The following ZNF600 variants were observed in gnomAD, a reference collection of about 807,000 sequenced individuals.
ZNF600 encodes the protein zinc finger protein KR-ZNF1.
ZNF600 carries 4 observed loss-of-function variants against 7.3 expected under a neutral mutation model. The ratio of observed to expected loss-of-function variants is 0.55; its 90% CI spans 0.27 to 1.25. The LOEUF is 1.25. ZNF600 is among the 50% of genes most tolerant of loss of function. The probability of loss-of-function intolerance (pLI) is 0.12; values close to 1 mark genes in which losing one functional copy is unlikely to be tolerated. For missense variants in ZNF600, 911 were observed against 922.1 expected, an observed-to-expected ratio of 0.99 and a Z score of 0.16; for synonymous variants, 290 against 308.9, an observed-to-expected ratio of 0.94 and a Z score of 0.64.
chr19:52,812,499 G>C, the ZNF600 span, among the ~76,000 whole-genome samples: 5 of 123,150 alleles, frequency 4.1e-5, no homozygotes, highest in African/African-American at 7.1e-5. Flanking sequence ...CATGTGCTGT[G>C]TCCACTCAGG....
chr19:52,772,420 T>C (rs4802994), intron 3 of ZNF600, among the ~76,000 whole-genome samples: 55,614 of 151,950 alleles, frequency 0.37, 13,003 homozygotes, highest in Non-Finnish European at 0.53. Flanking sequence ...CTGGCCAACA[T>C]GGTGAAACCC....
the ZNF600 span, among the ~76,000 whole-genome samples, chr19:52,816,899 CCT>C: frequency 6.9e-6 from 1 of 145,730 alleles, no homozygotes; most frequent in African/African-American, 2.6e-5. Context: ...ACAGCTTTAT[CCT>C]CTTAGATAAA....
the ZNF600 span, among the ~76,000 whole-genome samples, chr19:52,820,379 A>G: frequency 7.9e-6 from 1 of 127,100 alleles, no homozygotes; most frequent in South Asian, 2.8e-4. Context: ...GGCCTCCCAA[A>G]GTGCTGGGAT....
At chr19:52,820,449 A>G in the ZNF600 span, among the ~76,000 whole-genome samples, 11 of 151,282 alleles carry the variant, frequency 7.3e-5, no homozygotes, top group African/African-American at 1.7e-4. Context: ...CTTCTCCCCA[A>G]TCTTTAGATC....
chr19:52,777,851 G>T (rs886833612), intron 2 of ZNF600, among the ~76,000 whole-genome samples: 1 of 152,048 alleles, frequency 6.6e-6, no homozygotes, highest in Non-Finnish European at 1.5e-5. Flanking sequence ...TAAATAGATA[G>T]AGAGATACAT....
chr19:52,781,914 A>T (rs1184039474), intron 1 of ZNF600, among the ~76,000 whole-genome samples: 2 of 152,158 alleles, frequency 1.3e-5, no homozygotes, highest in Non-Finnish European at 2.9e-5. Flanking sequence ...TACACAAATT[A>T]GCCAGGCGTA....
At chr19:52,822,995 G>A in the ZNF600 span, among the ~76,000 whole-genome samples, 2 of 152,266 alleles carry the variant, frequency 1.3e-5, no homozygotes, top group South Asian at 2.1e-4. Context: ...GGGAAAGACA[G>A]AGAAGCTTTA....
At chr19:52,798,893 G>A in the ZNF600 span, 1 of 1,425,726 alleles carries the variant, frequency 7.0e-7, no homozygotes, top group Non-Finnish European at 9.5e-7. Flanking sequence ...GTGAATAAGT[G>A]GTGACTGCCC....
At chr19:52,817,941 C>A in the ZNF600 span, 1 of 1,610,816 alleles carries the variant, frequency 6.2e-7, no homozygotes, top group Non-Finnish European at 8.5e-7. Context: ...AATACCATCT[C>A]ACCTGAGGAA....
intron 2 of ZNF600, among the ~76,000 whole-genome samples, chr19:52,777,775 G>C (rs2062688046): frequency 6.6e-6 from 1 of 152,054 alleles, no homozygotes; most frequent in South Asian, 2.1e-4. Context: ...GTTGCAGTGA[G>C]CCGAGATCAT....
At chr19:52,793,767 CACACA>C in the ZNF600 span, among the ~76,000 whole-genome samples, 53 of 1,966 alleles carry the variant, frequency 0.027, no homozygotes, top group African/African-American at 0.047. Context: ...AACTCTGCCA[CACACA>C]CACACACACA....
intron 2 of ZNF600, among the ~76,000 whole-genome samples, chr19:52,776,970 G>A (rs377066033): frequency 1.3e-5 from 2 of 151,974 alleles, no homozygotes; most frequent in African/African-American, 4.8e-5. Flanking sequence ...CTCCTGCCTG[G>A]ACAACAGAGA....
intron 1 of ZNF600, among the ~76,000 whole-genome samples, chr19:52,779,549 C>G (rs775075915): frequency 6.6e-6 from 1 of 152,142 alleles, no homozygotes; most frequent in Non-Finnish European, 1.5e-5. Flanking sequence ...TCACACAGAA[C>G]AGGCAACGTG....
the ZNF600 span, among the ~76,000 whole-genome samples, chr19:52,829,594 G>A: frequency 3.3e-5 from 5 of 151,662 alleles, no homozygotes; most frequent in African/African-American, 7.3e-5. Flanking sequence ...GGCTGGTCTC[G>A]AACTCCTGAC....
chr19:52,776,603 G>C (rs2062677499), intron 2 of ZNF600, among the ~76,000 whole-genome samples: 1 of 151,934 alleles, frequency 6.6e-6, no homozygotes, highest in African/African-American at 2.4e-5. Flanking sequence ...GCAGAGACAG[G>C]GTTTCACCAT....
chr19:52,770,725 T>C (rs2062623834), intron 3 of ZNF600, among the ~76,000 whole-genome samples: 1 of 152,196 alleles, frequency 6.6e-6, no homozygotes, highest in African/African-American at 2.4e-5. Context: ...CATTATCAGA[T>C]TTCTTATTCT....
chr19:52,767,405 A>T (rs1249640370), exon 4 of ZNF600: 1 of 1,614,186 alleles, frequency 6.2e-7, no homozygotes, highest in Non-Finnish European at 8.5e-7. Context: ...CCGAGGGAGC[A>T]TCACTGGTAG....
chr19:52,801,439 T>C, the ZNF600 span: 1 of 1,614,248 alleles, frequency 6.2e-7, no homozygotes, highest in East Asian at 2.2e-5. Context: ...TGATCTTTAA[T>C]ATGCTTGTTT....
chr19:52,777,790 T>C lies in ZNF600; in HGVS notation c.63+1036A>G, dbSNP rs1283720420. On this transcript the variant is annotated intron_variant, in intron 2 of 3. Transcript: ENST00000648973. ...GTTGCAGTGAGCCGAGATCATTCCA[T>C]TGCACTCCACCTTTGGGGACTGAGC... Among the ~76,000 whole-genome samples, 7 of 151,446 alleles carry C rather than the reference T, an allele frequency of 4.6e-5. No individual in the cohort carries two copies. The East Asian group carries it at 7.9e-4, about 17-fold the overall frequency.
Sources: gnomAD v4.1 joint callset for allele counts (sites outside exome capture counted in the v4.1 genomes callset) on GRCh38, gnomAD v4.1.1 for gene constraint, MANE v1.5 for transcripts, NCBI Gene and HGNC (gene_info 2026-07-23, HGNC 2026-07-21) for gene names.